DSE: variants seen among roughly 807,000 people sequenced by gnomAD.
The protein encoded by DSE is dermatan sulfate epimerase, also known as dermatan-sulfate epimerase.
Under a neutral mutation model 84.4 loss-of-function variants are expected in DSE, and 36 were observed. The ratio of observed to expected loss-of-function variants is 0.43; its 90% CI spans 0.33 to 0.56. DSE has a LOEUF of 0.56. Ranked by LOEUF, DSE falls within the 20% of genes least tolerant of loss-of-function variation. The probability of loss-of-function intolerance (pLI) is 0.06; values close to 1 mark genes in which losing one functional copy is unlikely to be tolerated. For synonymous variants in DSE, 410 were observed against 430.1 expected, an observed-to-expected ratio of 0.95 and a Z score of 0.58; for missense variants, 862 against 1,169.6, an observed-to-expected ratio of 0.74 and a Z score of 3.84.
intron 2 of DSE, among the ~76,000 whole-genome samples, chr6:116,417,353 C>T (rs1345211398): frequency 6.6e-6 from 1 of 152,152 alleles, no homozygotes; most frequent in Non-Finnish European, 1.5e-5. Context: ...TGCCTTTTCC[C>T]ATTTAACAGT....
At chr6:116,361,077 T>A (rs1778858822) in intron 2 of DSE, among the ~76,000 whole-genome samples, 1 of 152,226 alleles carries the variant, frequency 6.6e-6, no homozygotes, top group African/African-American at 2.4e-5. Context: ...TGTTTTTGTT[T>A]TTTTTGAGAT....
intron 1 of DSE, among the ~76,000 whole-genome samples, chr6:116,373,161 T>G (rs1779711822): frequency 6.6e-6 from 1 of 151,568 alleles, no homozygotes; most frequent in Non-Finnish European, 1.5e-5. Context: ...GAGACCAGCC[T>G]GGCCAATATG....
upstream of DSE, among the ~76,000 whole-genome samples, chr6:116,368,069 T>C (rs1779264099): frequency 6.6e-6 from 1 of 152,212 alleles, no homozygotes; most frequent in African/African-American, 2.4e-5. Context: ...TTTGACAATA[T>C]TACAGTAGAG....
intron 1 of DSE, chr6:116,254,530 G>T (rs1227732065): frequency 2.1e-5 from 5 of 241,292 alleles, no homozygotes; most frequent in South Asian, 4.2e-5. Context: ...ATTTTAAAGA[G>T]AAGTGTTGCT....
At chr6:116,372,029 C>A (rs574316436) in intron 1 of DSE, among the ~76,000 whole-genome samples, 2 of 152,282 alleles carry the variant, frequency 1.3e-5, no homozygotes, top group Non-Finnish European at 2.9e-5. Flanking sequence ...TAATAAAGTT[C>A]TTTTTAAAAA....
intron 1 of DSE, among the ~76,000 whole-genome samples, chr6:116,383,771 A>G (rs1780399734): frequency 6.6e-6 from 1 of 152,300 alleles, no homozygotes; most frequent in Admixed American, 6.5e-5. Flanking sequence ...CTGCAGCAGC[A>G]TGTTATTTGT....
At chr6:116,349,284 T>A (rs984618565) in intron 2 of DSE, among the ~76,000 whole-genome samples, 5 of 152,096 alleles carry the variant, frequency 3.3e-5, no homozygotes, top group African/African-American at 4.8e-5. Flanking sequence ...CCAGTATGGC[T>A]TAGTGATTGG....
chr6:116,374,664 T>C (rs1291884005), intron 1 of DSE, among the ~76,000 whole-genome samples: 5 of 152,140 alleles, frequency 3.3e-5, no homozygotes, highest in Non-Finnish European at 5.9e-5. Flanking sequence ...GAGGGCTTTC[T>C]TGCCGGTGGG....
intron 1 of DSE, among the ~76,000 whole-genome samples, chr6:116,376,367 G>C (rs1398918978): frequency 1.3e-5 from 2 of 152,218 alleles, no homozygotes; most frequent in Non-Finnish European, 2.9e-5. Flanking sequence ...AGCCTGTTGA[G>C]GGTGTGGATT....
rs376824800 is a variant in DSE, at chr6:116,435,946, G to A, written c.1478G>A (p.Ser493Asn). 3 of 1,614,148 alleles carry A rather than the reference G, an allele frequency of 1.9e-6. No homozygotes were observed. Among genetic ancestry groups the A allele is most frequent in the Non-Finnish European group, 2.5e-6 (3 of 1,180,006 alleles). Residue 493 changes from serine (S) to asparagine (N), a missense_variant, in exon 6 of 6, where the codon AGC becomes AAC. Ser to Asn is a conservative substitution (Grantham distance 46, BLOSUM62 1). This residue lies in a region of DSE where 186 missense variants were observed against 255.1 expected (regional missense o/e 0.73). Coordinates refer to ENST00000644252, the MANE Select transcript of DSE (RefSeq NM_013352.4). ...ATGTTTTCCCCAGCTGTGTCAAAGAGCTGCTTTTCTCCCTGGGTGGGTCAG... is the reference window on the plus strand; with the variant it reads ...ATGTTTTCCCCAGCTGTGTCAAAGAACTGCTTTTCTCCCTGGGTGGGTCAG... ...VLMFSPAVSK[S>N]CFSPWVGQVT...
intron 1 of DSE, among the ~76,000 whole-genome samples, chr6:116,397,065 G>T (rs6935191): frequency 0.015 from 2,327 of 152,204 alleles, 56 homozygotes; most frequent in African/African-American, 0.053. Context: ...GTGTGTGTAT[G>T]GGGGTTCAGT....
chr6:116,441,440 C>T lies in DSE; in HGVS notation c.*4095C>T, dbSNP rs1157682264. ...CTTCCCCTCTCATTCTTAGTTTGTA[C>T]TTCCCAGAAGTAACCAATTTCTAAT... is the stretch of plus-strand genomic sequence containing the variant. On this transcript the variant is annotated 3_prime_UTR_variant, in exon 6 of 6. Coordinates refer to ENST00000644252, the MANE Select transcript of DSE (RefSeq NM_013352.4). The T allele has an allele frequency of 1.3e-5, 2 of 152,164 alleles. No homozygotes were observed. The highest frequency in any genetic ancestry group is 2.1e-4 in the South Asian group (1 of 4,826). The allele number at this position is 152,164 out of a possible 1,614,324, so 9.4% of individuals were successfully genotyped here. A position where few individuals can be genotyped will look rare whatever the true frequency, so the allele number is the denominator to read the frequency against.
chr6:116,391,537 C>T (rs1375964705), intron 1 of DSE, among the ~76,000 whole-genome samples: 1 of 152,048 alleles, frequency 6.6e-6, no homozygotes, highest in African/African-American at 2.4e-5. Context: ...GAGGCTGAGG[C>T]GGGCGGATCA....
chr6:116,343,737 G>T (rs1169528751), intron 2 of DSE, among the ~76,000 whole-genome samples: 2 of 152,202 alleles, frequency 1.3e-5, no homozygotes, highest in African/African-American at 4.8e-5. Flanking sequence ...TCCTCCAAAG[G>T]AATGCAGTTC....
At chr6:116,363,231 TTAAA>T (rs1241841524) in intron 2 of DSE, among the ~76,000 whole-genome samples, 1 of 152,040 alleles carries the variant, frequency 6.6e-6, no homozygotes, top group Non-Finnish European at 1.5e-5. Flanking sequence ...AGTGAGATAT[TTAAA>T]TATATATATA....
intron 1 of DSE, chr6:116,375,468 C>G (rs144018078): frequency 0.017 from 15,748 of 921,322 alleles, 148 homozygotes; most frequent in Non-Finnish European, 0.019. Flanking sequence ...CACACCACTG[C>G]ACTCCAGCCT....
Position 116,278,496 on chromosome 6 carries a change from G to T in DSE, c.-54+19529G>T, listed in dbSNP as rs112613011. The T allele has an allele frequency of 1.2e-3, 1,976 of 1,613,518 alleles. 19 individuals carry two copies. In the African/African-American group the frequency reaches 0.023, roughly 19 times the overall value. On this transcript the variant is annotated intron_variant, in intron 2 of 3. Transcript: ENST00000430252. ...GAAGGTGGTAGGAGACCTTGTGCAG[G>T]AGTATTCCCAAGGGCAAATGTTAAC... is the stretch of plus-strand genomic sequence containing the variant.
At chr6:116,333,711 C>T (rs1023066516) in intron 2 of DSE, among the ~76,000 whole-genome samples, 4 of 152,178 alleles carry the variant, frequency 2.6e-5, no homozygotes, top group Non-Finnish European at 4.4e-5. Context: ...TTCTCATTCT[C>T]AACCACATAT....
chr6:116,370,214 C>A (rs1282285049), upstream of DSE: 1 of 256,560 alleles, frequency 3.9e-6, no homozygotes, highest in Non-Finnish European at 8.0e-6. Context: ...CACACACCCC[C>A]CCACCGCGTA....
Sources: gnomAD v4.1 joint callset for allele counts (sites outside exome capture counted in the v4.1 genomes callset) on GRCh38, gnomAD v4.1.1 for gene constraint, gnomAD v4.1.1 regional missense constraint, MANE v1.5 for transcripts, NCBI Gene and HGNC (gene_info 2026-07-23, HGNC 2026-07-21) for gene names.